Variants in ACOX1 observed in about 807,000 individuals in gnomAD.
ACOX1 encodes the protein acyl-CoA oxidase 1, also known as peroxisomal acyl-coenzyme A oxidase 1.
ACOX1 carries 41 observed loss-of-function variants against 75.5 expected under a neutral mutation model. The ratio of observed to expected loss-of-function variants is 0.54; its 90% CI spans 0.42 to 0.70. The LOEUF is 0.70. ACOX1 is among the 30% of genes least tolerant of loss of function. The pLI is 0.00. For missense variants in ACOX1, 630 were observed against 837.5 expected, an observed-to-expected ratio of 0.75 and a Z score of 3.06; for synonymous variants, 303 against 298.8, an observed-to-expected ratio of 1.01 and a Z score of -0.15.
Position 75,951,398 on chromosome 17 carries a change from TGA to T in ACOX1, c.1107+15_1107+16del. The T allele has an allele frequency of 6.2e-7, 1 of 1,613,946 alleles. No individual in the cohort carries two copies. Among genetic ancestry groups the T allele is most frequent in the Non-Finnish European group, 8.5e-7 (1 of 1,179,948 alleles). On this transcript the variant is annotated intron_variant, in intron 8 of 13. Transcript: ENST00000293217. ...AAACAGAAGGGTGCCCATGAGTGAA[TGA>T]GACCAAACTCATACCTCAGGCAGTT...
intron 12 of ACOX1, 88 bp downstream of exon 12, chr17:75,949,129 G>T: frequency 2.6e-6 from 4 of 1,516,556 alleles, no homozygotes; most frequent in Non-Finnish European, 3.6e-6. Context: ...CAAAGTGCTG[G>T]GATTACAGGC....
intron 10 of ACOX1, 35 bp from the exon 11 acceptor site, chr17:75,949,635 A>T (rs2065755304): frequency 6.2e-7 from 1 of 1,613,252 alleles, no homozygotes; most frequent in Middle Eastern, 1.7e-4. Flanking sequence ...TGAGGAAATG[A>T]TCAACAGTAC....
intron 4 of ACOX1, among the ~76,000 whole-genome samples, chr17:75,956,967 CTCTCTATATATATATATATATA>C (rs1567878020): frequency 0.014 from 152 of 11,030 alleles, 3 homozygotes; most frequent in South Asian, 0.033. Flanking sequence ...CTCTCTCTCT[CTCTCTATATATATATATATATA>C]TATATATATA....
intron 2 of ACOX1, among the ~76,000 whole-genome samples, chr17:75,975,270 T>C (rs906770271): frequency 6.6e-6 from 1 of 151,944 alleles, no homozygotes; most frequent in Non-Finnish European, 1.5e-5. Flanking sequence ...GTGATTCTCA[T>C]GCCTCAGCCT....
At chr17:75,966,486 AT>A (rs1388151794) in intron 2 of ACOX1, among the ~76,000 whole-genome samples, 1 of 150,872 alleles carries the variant, frequency 6.6e-6, no homozygotes, top group African/African-American at 2.4e-5. Flanking sequence ...AAATAAAAAA[AT>A]AAAAAATAAA....
intron 6 of ACOX1, among the ~76,000 whole-genome samples, chr17:75,955,114 C>T (rs1027636859): frequency 2.0e-5 from 3 of 149,972 alleles, no homozygotes; most frequent in Admixed American, 6.6e-5. Context: ...ATGATCTTCC[C>T]GCCTCAGCCT....
intron 9 of ACOX1, 34 bp from the exon 10 acceptor site, chr17:75,949,931 T>C (rs1278401258): frequency 3.7e-6 from 6 of 1,611,540 alleles, no homozygotes; most frequent in Non-Finnish European, 5.1e-6. Context: ...TTTTAGTAAC[T>C]CTACTTTCTT....
intron 6 of ACOX1, among the ~76,000 whole-genome samples, chr17:75,955,332 T>G (rs777593333): frequency 1.3e-5 from 2 of 152,050 alleles, no homozygotes; most frequent in Admixed American, 6.6e-5. Context: ...CCAGCTAGAT[T>G]TTTTTACTTT....
At chr17:75,954,521 A>T (rs561977254) in intron 6 of ACOX1, among the ~76,000 whole-genome samples, 145 of 131,868 alleles carry the variant, frequency 1.1e-3, no homozygotes, top group Admixed American at 2.4e-3. Flanking sequence ...TCTCTCTCTC[A>T]AAAAAAAAAA....
Position 75,966,631 on chromosome 17 carries a change from G to A in ACOX1, c.270-6256C>T, listed in dbSNP as rs564228282. 7.7e-4 allele frequency among the ~76,000 whole-genome samples: 117 copies of A among 151,834 alleles called. 1 individual carries two copies. Among genetic ancestry groups the A allele is most frequent in the Middle Eastern group, 3.4e-3 (1 of 294 alleles). ...AGCCTGGCCAACATGGTGAAACCTC[G>A]TCTCTACTAAAAATACAAAAAATTA... On this transcript the variant is annotated intron_variant, in intron 2 of 13. Coordinates refer to ENST00000293217, the MANE Select transcript of ACOX1 (RefSeq NM_004035.7).
intron 12 of ACOX1, 133 bp from the exon 13 acceptor site, chr17:75,948,590 T>A: frequency 1.2e-6 from 1 of 830,958 alleles, no homozygotes; most frequent in Non-Finnish European, 1.9e-6. Flanking sequence ...GTTTCACTCT[T>A]GTTGCCCAGG....
At chr17:75,970,712 G>A (rs568395266) in intron 2 of ACOX1, among the ~76,000 whole-genome samples, 1 of 152,300 alleles carries the variant, frequency 6.6e-6, no homozygotes, top group South Asian at 2.1e-4. Context: ...ACTGTTCACT[G>A]TTGATCCATT....
At chr17:75,967,922 T>C (rs532095329) in intron 2 of ACOX1, among the ~76,000 whole-genome samples, 9 of 149,698 alleles carry the variant, frequency 6.0e-5, no homozygotes, top group Non-Finnish European at 1.2e-4. Context: ...AGATTTTTAG[T>C]ACAGACAGGT....
In ACOX1 at chr17:75,954,533, A is replaced by AGG. The variant is rs1567876359; in HGVS notation, c.775-914_775-913insCC. On this transcript the variant is annotated intron_variant, in intron 6 of 13. Coordinates refer to ENST00000293217, the MANE Select transcript of ACOX1 (RefSeq NM_004035.7). ...GACTCTCTCTCTCAAAAAAAAAAAA[A>AGG]AGGGGCATCAGAAGGAAAAATGCAT... Among the ~76,000 whole-genome samples, 699 of 143,940 alleles carry AGG rather than the reference A, an allele frequency of 4.9e-3. 3 individuals carry two copies. Among genetic ancestry groups the AGG allele is most frequent in the African/African-American group, 0.016 (562 of 35,348 alleles). 94.4% of individuals were successfully genotyped at this position (143,940 alleles called of 152,430 possible). A position where few individuals can be genotyped will look rare whatever the true frequency, so the allele number is the denominator to read the frequency against.
At chr17:75,968,092 T>C (rs572738054) in intron 2 of ACOX1, among the ~76,000 whole-genome samples, 2 of 151,408 alleles carry the variant, frequency 1.3e-5, no homozygotes, top group African/African-American at 4.8e-5. Flanking sequence ...AAACACGTAA[T>C]AACATCCAGG....
chr17:75,956,258 A>C (rs2065823025), intron 4 of ACOX1, among the ~76,000 whole-genome samples: 1 of 152,206 alleles, frequency 6.6e-6, no homozygotes, highest in Non-Finnish European at 1.5e-5. Flanking sequence ...AACAGTAATC[A>C]CTAGCTACAT....
At chr17:75,968,321 A>G (rs1447949784) in intron 2 of ACOX1, among the ~76,000 whole-genome samples, 17 of 146,670 alleles carry the variant, frequency 1.2e-4, no homozygotes, top group Non-Finnish European at 4.5e-5. Context: ...CTGTAGTCCC[A>G]GCTACTTGGG....
chr17:75,948,862 CTTTT>C (rs34512190), intron 12 of ACOX1, among the ~76,000 whole-genome samples: 44 of 125,240 alleles, frequency 3.5e-4, no homozygotes, highest in Non-Finnish European at 6.3e-4. Flanking sequence ...TTTTCTTTTT[CTTTT>C]TTTTTTTTTT....
Position 75,955,495 on chromosome 17 carries a change from A to T in ACOX1, c.774+71T>A, listed in dbSNP as rs1598180375. The T allele has an allele frequency of 8.9e-6, 11 of 1,238,896 alleles. No homozygotes were observed. The South Asian group carries it at 1.3e-4, about 15-fold the overall frequency. The allele number at this position is 1,238,896 out of a possible 1,614,324, so 76.7% of individuals were successfully genotyped here. A position where few individuals can be genotyped will look rare whatever the true frequency, so the allele number is the denominator to read the frequency against. On this transcript the variant is annotated intron_variant, in intron 6 of 13. Transcript: ENST00000293217. ...CCTTCTAAAAGAACAGACCATTCTA[A>T]CCCTATTGTGAGTAACAGCCACTCA...
Sources: gnomAD v4.1 joint callset for allele counts (sites outside exome capture counted in the v4.1 genomes callset) on GRCh38, gnomAD v4.1.1 for gene constraint, MANE v1.5 for transcripts, NCBI Gene and HGNC (gene_info 2026-07-23, HGNC 2026-07-21) for gene names.